The following FOXP1 variants were observed in gnomAD, a reference collection of about 807,000 sequenced individuals.
FOXP1 encodes the protein forkhead box protein P1.
FOXP1 carries 15 observed loss-of-function variants against 98.2 expected under a neutral mutation model. The ratio of observed to expected loss-of-function variants is 0.15; its 90% CI spans 0.10 to 0.24. The LOEUF is 0.24. Ranked by LOEUF, FOXP1 falls within the 10% of genes least tolerant of loss-of-function variation. The pLI, the probability that FOXP1 is intolerant of heterozygous loss-of-function variation, is 1.00. For missense variants in FOXP1, 633 were observed against 848.5 expected (o/e 0.75, Z 3.15); for synonymous variants, 371 against 314.5 (o/e 1.18, Z -1.90).
intron 12 of FOXP1, among the ~76,000 whole-genome samples, chr3:71,007,690 G>C (rs2042978200): frequency 6.6e-6 from 1 of 152,130 alleles, no homozygotes; most frequent in Non-Finnish European, 1.5e-5. Flanking sequence ...AAGTAAACAA[G>C]ATGTTACCAT....
intron 3 of FOXP1, among the ~76,000 whole-genome samples, chr3:71,479,148 G>C (rs927977673): frequency 3.3e-5 from 5 of 152,192 alleles, no homozygotes; most frequent in Non-Finnish European, 7.3e-5. Context: ...GATAGGGCTG[G>C]GCGTGGTGGT....
intron 6 of FOXP1, among the ~76,000 whole-genome samples, chr3:71,189,750 T>C (rs1300030268): frequency 6.6e-6 from 1 of 152,230 alleles, no homozygotes; most frequent in African/African-American, 2.4e-5. Context: ...TATCCAGTCC[T>C]TCCTTTCTCT....
At chr3:71,336,181 TA>T (rs1399962907) in intron 4 of FOXP1, among the ~76,000 whole-genome samples, 1 of 152,112 alleles carries the variant, frequency 6.6e-6, no homozygotes, top group Admixed American at 6.5e-5. Context: ...TGATCTTCAA[TA>T]AAAGTTTAAA....
intron 1 of FOXP1, chr3:71,582,697 A>T: frequency 1.0e-6 from 1 of 985,022 alleles, no homozygotes; most frequent in Non-Finnish European, 1.2e-6. Flanking sequence ...TCCCGCACCC[A>T]CCCGTGGATC....
chr3:71,417,992 T>C (rs1188222685), intron 3 of FOXP1, among the ~76,000 whole-genome samples: 1 of 151,714 alleles, frequency 6.6e-6, no homozygotes, highest in Non-Finnish European at 1.5e-5. Flanking sequence ...TTTTCCTTCT[T>C]CCTTCCCTCA....
chr3:71,447,632 A>C (rs577592395), intron 3 of FOXP1, among the ~76,000 whole-genome samples: 71 of 152,366 alleles, frequency 4.7e-4, no homozygotes, highest in African/African-American at 1.6e-3. Context: ...TCACGCTAGC[A>C]GCATGGTTCT....
Position 71,508,774 on chromosome 3 carries a change from A to G in FOXP1, c.-297-15219T>C, listed in dbSNP as rs112426243. Among the ~76,000 whole-genome samples, 1,177 of 152,296 alleles carry G rather than the reference A, an allele frequency of 7.7e-3. 12 individuals carry two copies. Among genetic ancestry groups the G allele is most frequent in the African/African-American group, 0.026 (1,067 of 41,562 alleles). ...AACCTCCCAAGGGCTTAGGGCTGTC[A>G]AAGAAACAACTTAGGTCTGCAGAGT... is the stretch of plus-strand genomic sequence containing the variant. On this transcript the variant is annotated intron_variant, in intron 2 of 20. Coordinates refer to ENST00000649528, the MANE Select transcript of FOXP1 (RefSeq NM_001349338.3).
intron 3 of FOXP1, among the ~76,000 whole-genome samples, chr3:71,408,859 AG>A (rs2082528161): frequency 6.6e-6 from 1 of 152,200 alleles, no homozygotes; most frequent in South Asian, 2.1e-4. Flanking sequence ...GGCTAGAAAA[AG>A]ATGTATCTTA....
intron 2 of FOXP1, among the ~76,000 whole-genome samples, chr3:71,560,251 T>C (rs1448222780): frequency 3.9e-5 from 6 of 152,360 alleles, no homozygotes; most frequent in African/African-American, 2.4e-5. Context: ...TGACTACGAT[T>C]GACTCTTCCA....
intron 5 of FOXP1, among the ~76,000 whole-genome samples, chr3:71,267,131 GT>G (rs2069765666): frequency 6.6e-6 from 1 of 151,896 alleles, no homozygotes; most frequent in African/African-American, 2.4e-5. Flanking sequence ...GAGAGTGTGT[GT>G]GTGTGTGTGT....
chr3:71,253,179 G>A (rs751308693), intron 5 of FOXP1, among the ~76,000 whole-genome samples: 25 of 152,178 alleles, frequency 1.6e-4, no homozygotes, highest in Non-Finnish European at 2.8e-4. Flanking sequence ...CTAAAAGGGG[G>A]CCCATGTTAA....
intron 5 of FOXP1, among the ~76,000 whole-genome samples, chr3:71,282,493 G>A (rs972287324): frequency 3.9e-5 from 6 of 151,974 alleles, no homozygotes; most frequent in African/African-American, 1.5e-4. Flanking sequence ...TTGTGGAGCC[G>A]ACATTTACTG....
At position 71,454,768 on chromosome 3, in the gene FOXP1, G is replaced by A. The variant is rs577529336; in HGVS notation, c.-168+38658C>T. ...AAAAGTCTGTGGAATACGTGGATTC[G>A]AATCATCAAAGCAACTTGTTTTCTT... is the stretch of plus-strand genomic sequence containing the variant. On this transcript the variant is annotated intron_variant, in intron 3 of 20. Coordinates refer to ENST00000649528, the MANE Select transcript of FOXP1 (RefSeq NM_001349338.3). Among the ~76,000 whole-genome samples the A allele has an allele frequency of 2.7e-5, 4 of 150,674 alleles. No individual in the cohort carries two copies. In the East Asian group the frequency reaches 5.9e-4, roughly 22 times the overall value.
chr3:71,455,927 G>GT (rs1398433675), intron 3 of FOXP1, among the ~76,000 whole-genome samples: 1 of 152,106 alleles, frequency 6.6e-6, no homozygotes, highest in Non-Finnish European at 1.5e-5. Flanking sequence ...AGTTTAAAGT[G>GT]TTCTTTTTTT....
At chr3:71,366,516 T>C (rs2078940895) in intron 3 of FOXP1, among the ~76,000 whole-genome samples, 1 of 152,210 alleles carries the variant, frequency 6.6e-6, no homozygotes, top group Non-Finnish European at 1.5e-5. Context: ...TAACAGTATT[T>C]GCCCTAGAGA....
chr3:71,284,078 CTT>C (rs1459515570), intron 5 of FOXP1, among the ~76,000 whole-genome samples: 1 of 152,034 alleles, frequency 6.6e-6, no homozygotes, highest in African/African-American at 2.4e-5. Context: ...TAAGATAAAC[CTT>C]TTTCTCCTAT....
At chr3:71,488,173 T>C (rs1560554775) in intron 3 of FOXP1, among the ~76,000 whole-genome samples, 2 of 152,246 alleles carry the variant, frequency 1.3e-5, no homozygotes, top group Non-Finnish European at 2.9e-5. Flanking sequence ...ATCTACACTA[T>C]ATAAATTTAT....
intron 2 of FOXP1, among the ~76,000 whole-genome samples, chr3:71,560,568 A>G (rs1167862020): frequency 6.6e-6 from 1 of 152,244 alleles, no homozygotes; most frequent in African/African-American, 2.4e-5. Context: ...GTACCAAAGA[A>G]AACTGAAAAC....
chr3:71,420,834 G>C, intron 3 of FOXP1, among the ~76,000 whole-genome samples: 1 of 151,812 alleles, frequency 6.6e-6, no homozygotes, highest in East Asian at 1.9e-4. Flanking sequence ...AGCCTCCTTA[G>C]TACCTAGGAC....
Sources: gnomAD v4.1 joint callset for allele counts (sites outside exome capture counted in the v4.1 genomes callset) on GRCh38, gnomAD v4.1.1 for gene constraint, MANE v1.5 for transcripts, NCBI Gene and HGNC (gene_info 2026-07-23, HGNC 2026-07-21) for gene names.